Variants in SLC12A9 observed in about 807,000 individuals in gnomAD.
SLC12A9 encodes the protein CCC-interacting protein 1.
A neutral mutation model predicts 66.0 loss-of-function variants in SLC12A9; 55 were observed. The ratio of observed to expected loss-of-function variants is 0.83; its 90% CI spans 0.67 to 1.04. SLC12A9 has a LOEUF of 1.04. Among genes scored for constraint, SLC12A9 ranks in the 50% least tolerant of loss-of-function variants. The probability of loss-of-function intolerance (pLI) is 0.00; values close to 1 mark genes in which losing one functional copy is unlikely to be tolerated. For synonymous variants in SLC12A9, 577 were observed against 569.0 expected, an observed-to-expected ratio of 1.01 and a Z score of -0.20; for missense variants, 1,061 against 1,241.9, an observed-to-expected ratio of 0.85 and a Z score of 2.19.
In SLC12A9 at chr7:100,861,643, C is replaced by G; in HGVS notation, c.1536+59C>G. The G allele has an allele frequency of 1.2e-6, 2 of 1,608,492 alleles. No homozygotes were observed. The highest frequency in any genetic ancestry group is 1.7e-6 in the Non-Finnish European group (2 of 1,175,658). Reference sequence around the variant, plus strand: ...GAGGTGGTCAAAGAACCCCCTCTCTCTTTGGCTGGAGTTGGTGCTCCCGTC... The same window carrying G: ...GAGGTGGTCAAAGAACCCCCTCTCTGTTTGGCTGGAGTTGGTGCTCCCGTC... On this transcript the variant is annotated intron_variant, in intron 11 of 13. Transcript: ENST00000354161. The surrounding 1 kb of genome is among the most constrained non-coding windows in gnomAD (Gnocchi z 5.3).
At chr7:100,851,569 G>A (rs920872551), upstream of SLC12A9, among the ~76,000 whole-genome samples, 5 of 151,612 alleles carry the variant, frequency 3.3e-5, no homozygotes, top group South Asian at 8.4e-4. Flanking sequence ...GACTGCAGGC[G>A]CATGCTTGAG....
chr7:100,828,106 A>C (rs1188627823), intron 1 of SLC12A9, among the ~76,000 whole-genome samples: 1 of 152,228 alleles, frequency 6.6e-6, no homozygotes, highest in African/African-American at 2.4e-5. Context: ...CCTTGCAGCG[A>C]ACGTTCACAC....
At chr7:100,830,865 G>A (rs1002891870) in intron 1 of SLC12A9, among the ~76,000 whole-genome samples, 1 of 151,986 alleles carries the variant, frequency 6.6e-6, no homozygotes, top group Admixed American at 6.6e-5. Context: ...TCTATCCTGT[G>A]TGTGTGAAGT....
Position 100,854,195 on chromosome 7 carries a change from G to C in SLC12A9, c.-3G>C. On this transcript the variant is annotated 5_prime_UTR_variant, in exon 2 of 14. Coordinates refer to ENST00000354161, the MANE Select transcript of SLC12A9 (RefSeq NM_020246.4). ...TTGTGGCTTCCTCTACCTGTGCTCAGCCATGGCCAGCGAGAGCTCACCTCT... is the reference window on the plus strand; with the variant it reads ...TTGTGGCTTCCTCTACCTGTGCTCACCCATGGCCAGCGAGAGCTCACCTCT... The C allele has an allele frequency of 6.4e-7, 1 of 1,562,028 alleles. No individual in the cohort carries two copies. Among genetic ancestry groups the C allele is most frequent in the Non-Finnish European group, 8.6e-7 (1 of 1,164,930 alleles).
At chr7:100,856,584 G>A (rs531940990) in intron 4 of SLC12A9, 7 of 371,574 alleles carry the variant, frequency 1.9e-5, no homozygotes, top group Admixed American at 1.2e-4. Context: ...GTACCATCTC[G>A]GCTCAATGCA....
At position 100,859,993 on chromosome 7, in the gene SLC12A9, C is replaced by T; in HGVS notation, c.1086C>T (p.Leu362=). 4 of 1,613,608 alleles carry T rather than the reference C, an allele frequency of 2.5e-6. No individual in the cohort carries two copies. The highest frequency in any genetic ancestry group is 3.4e-6 in the Non-Finnish European group (4 of 1,179,512). The change falls in exon 8 of 14, where the codon CTC becomes CTT. Residue 362 remains leucine, a synonymous_variant. Transcript: ENST00000354161. ...CGCTCTCAGCGTCCATGAGCTCGCT[C>T]ATTGGTGCCTCCCGCATCCTCCATG... is the stretch of plus-strand genomic sequence containing the variant. The part of the protein sequence containing the change: ...ATALSASMSS[L]IGASRILHAL...
Position 100,845,069 on chromosome 7 carries a change from T to G in SLC12A9, n.229-14816T>G, listed in dbSNP as rs1337715326. 2.0e-5 allele frequency among the ~76,000 whole-genome samples: 3 copies of G among 151,968 alleles called. No individual in the cohort carries two copies. The East Asian group carries it at 5.8e-4, about 29-fold the overall frequency. On this transcript the variant is annotated intron_variant and non_coding_transcript_variant, in intron 1 of 1. Transcript: ENST00000461016. ...GGCACAAAAAAATCACCCTGATCAC[T>G]TCTAGGTCCTAAAAGCCTCAATCAT...
rs760487050 is a variant in SLC12A9, at chr7:100,862,672, TCTC to T, written c.1712-8_1712-6del. 1.2e-6 allele frequency: 2 copies of T among 1,613,964 alleles called. No individual in the cohort carries two copies. Among genetic ancestry groups the T allele is most frequent in the Non-Finnish European group, 1.7e-6 (2 of 1,179,870 alleles). On this transcript the variant is annotated splice_polypyrimidine_tract_variant and splice_region_variant and intron_variant, in intron 12 of 13. Coordinates refer to ENST00000354161, the MANE Select transcript of SLC12A9 (RefSeq NM_020246.4). ...ACTGGCTACCTTCCTTTCCTTATCT[TCTC>T]TGTAGACTCCCTGCCCTCGGACCCT...
At chr7:100,854,484 A>C (rs1207704518) in intron 2 of SLC12A9, 106 bp downstream of exon 2, 3 of 1,586,906 alleles carry the variant, frequency 1.9e-6, no homozygotes, top group East Asian at 4.5e-5. Flanking sequence ...ACCCAAGAGA[A>C]GCGGTTGGCT....
upstream of SLC12A9, chr7:100,852,597 A>T (rs1386594101): frequency 6.6e-6 from 1 of 152,334 alleles, no homozygotes; most frequent in East Asian, 1.9e-4. Context: ...CCCCGGGCGC[A>T]CGTGGAGCTG....
chr7:100,865,809 CT>C lies in SLC12A9; in HGVS notation c.1950del (p.Ala651GlnfsTer12). The C allele has an allele frequency of 6.2e-7, 1 of 1,614,044 alleles. No homozygotes were observed. The highest frequency in any genetic ancestry group is 1.1e-5 in the South Asian group (1 of 91,086). Reference sequence around the variant, plus strand: ...CTGACGGACCCGGCTTTCTCTGAGCCTGCAGACAGCACCAGGGAGGGCAGTT... The same window carrying C: ...CTGACGGACCCGGCTTTCTCTGAGCCGCAGACAGCACCAGGGAGGGCAGTT... Reference protein sequence around the residue: ...HFLTDPAFSEPADSTREGSSP... With the variant: ...HFLTDPAFSEXADSTREGSSP... On this transcript the variant is annotated frameshift_variant, in exon 14 of 14. Coordinates refer to ENST00000354161, the MANE Select transcript of SLC12A9 (RefSeq NM_020246.4). LOFTEE classifies it high-confidence loss of function.
intron 1 of SLC12A9, among the ~76,000 whole-genome samples, chr7:100,834,809 G>C (rs1030657031): frequency 1.3e-5 from 2 of 152,256 alleles, no homozygotes; most frequent in African/African-American, 4.8e-5. Flanking sequence ...GGAGGCAGAG[G>C]TTGTAGTGAG....
chr7:100,842,789 C>G (rs1437989023), intron 1 of SLC12A9, among the ~76,000 whole-genome samples: 3 of 152,240 alleles, frequency 2.0e-5, no homozygotes, highest in African/African-American at 7.2e-5. Flanking sequence ...CAGACTGTCC[C>G]CCTTCCACTA....
chr7:100,863,647 G>A (rs1038979642), intron 13 of SLC12A9, among the ~76,000 whole-genome samples: 7 of 152,308 alleles, frequency 4.6e-5, no homozygotes, highest in East Asian at 3.9e-4. Flanking sequence ...AAAGGATGCC[G>A]GAGGCTGTGT....
intron 4 of SLC12A9, chr7:100,856,206 CTTAT>C (rs916291924): frequency 2.5e-4 from 44 of 173,082 alleles, no homozygotes; most frequent in South Asian, 5.0e-4. Context: ...TGGGTCCCTT[CTTAT>C]TTATTTATTT....
chr7:100,862,193 G>A (rs1483728476), intron 12 of SLC12A9, among the ~76,000 whole-genome samples: 1 of 152,050 alleles, frequency 6.6e-6, no homozygotes, highest in Non-Finnish European at 1.5e-5. Flanking sequence ...CTGACCTCAA[G>A]TGCTCCGCCC....
intron 1 of SLC12A9, among the ~76,000 whole-genome samples, chr7:100,838,416 G>A (rs1246278641): frequency 6.6e-6 from 1 of 152,206 alleles, no homozygotes; most frequent in Non-Finnish European, 1.5e-5. Flanking sequence ...TGGGGCACGC[G>A]CAGGAGGTGA....
At position 100,834,735 on chromosome 7, in the gene SLC12A9, T is replaced by C. The variant is rs533988482; in HGVS notation, n.228+7688T>C. Among the ~76,000 whole-genome samples, 262 of 151,426 alleles carry C rather than the reference T, an allele frequency of 1.7e-3. 1 individual carries two copies. The highest frequency in any genetic ancestry group is 5.4e-3 in the African/African-American group (224 of 41,210). On this transcript the variant is annotated intron_variant and non_coding_transcript_variant, in intron 1 of 1. Coordinates refer to the SLC12A9 transcript ENST00000461016. ...CATCTCTACAAAAATTAGCCAGGCG[T>C]GGTGGAGCACGCCTGTGGTCCCAGC...
intron 1 of SLC12A9, among the ~76,000 whole-genome samples, chr7:100,838,341 T>C (rs2116514419): frequency 6.6e-6 from 1 of 152,140 alleles, no homozygotes; most frequent in Non-Finnish European, 1.5e-5. Context: ...AGGAAGATAA[T>C]ATTTGAGTCC....
Sources: allele counts gnomAD v4.1 joint callset (sites outside exome capture counted in the v4.1 genomes callset), GRCh38; gene constraint gnomAD v4.1.1; non-coding constraint Gnocchi (gnomAD v3.1); transcripts MANE v1.5; gene names NCBI Gene and HGNC (gene_info 2026-07-23, HGNC 2026-07-21).